Variants in SMIM35 observed in about 807,000 individuals in gnomAD.
SMIM35 encodes the protein TMPRSS4 antisense RNA 1 (non-protein coding).
intron 1 of SMIM35, among the ~76,000 whole-genome samples, chr11:118,040,604 T>A (rs1022617640): frequency 6.6e-6 from 1 of 152,012 alleles, no homozygotes; most frequent in African/African-American, 2.4e-5. Context: ...AGGACATCCA[T>A]CAGGCTAAAA....
intron 1 of SMIM35, among the ~76,000 whole-genome samples, chr11:118,073,570 G>A (rs530476612): frequency 2.0e-4 from 30 of 152,288 alleles, no homozygotes; most frequent in Non-Finnish European, 4.1e-4. Context: ...AAAAGCTGCC[G>A]GTGCAGCTTC....
intron 1 of SMIM35, among the ~76,000 whole-genome samples, chr11:118,043,174 G>T (rs1169502392): frequency 7.2e-5 from 11 of 152,168 alleles, no homozygotes; most frequent in African/African-American, 1.9e-4. Context: ...GCAATAGAAG[G>T]TATCCAGATT....
intron 4 of SMIM35, among the ~76,000 whole-genome samples, chr11:118,012,675 A>G (rs2058156382): frequency 6.6e-6 from 1 of 152,246 alleles, no homozygotes; most frequent in African/African-American, 2.4e-5. Flanking sequence ...GTAAGAGAAC[A>G]GGCCCAGATT....
At chr11:118,066,116 C>T (rs147214301) in intron 1 of SMIM35, among the ~76,000 whole-genome samples, 1 of 152,244 alleles carries the variant, frequency 6.6e-6, no homozygotes, top group East Asian at 1.9e-4. Flanking sequence ...GCACCTCTGA[C>T]TCAAACTGTT....
intron 1 of SMIM35, among the ~76,000 whole-genome samples, chr11:118,057,061 C>T (rs979734580): frequency 6.6e-5 from 10 of 152,246 alleles, no homozygotes; most frequent in African/African-American, 1.9e-4. Flanking sequence ...GGCCACAGGG[C>T]GAGAGCAGCC....
chr11:118,020,501 A>T (rs2512156), intron 1 of SMIM35, among the ~76,000 whole-genome samples: 66,083 of 152,044 alleles, frequency 0.43, 16,928 homozygotes, highest in African/African-American at 0.72. Flanking sequence ...TACTGAGTCT[A>T]CAAACTTACA....
intron 1 of SMIM35, among the ~76,000 whole-genome samples, chr11:118,062,424 G>GCCAGC (rs1944405853): frequency 6.6e-6 from 1 of 152,178 alleles, no homozygotes. Flanking sequence ...AAGACCACAG[G>GCCAGC]CCAGCCCAGC....
chr11:118,079,110 C>G (rs1380795821), intron 1 of SMIM35, among the ~76,000 whole-genome samples: 1 of 152,042 alleles, frequency 6.6e-6, no homozygotes, highest in African/African-American at 2.4e-5. Context: ...CCTGGGGCCC[C>G]AAAGGCAAGG....
chr11:118,025,756 G>C (rs1362247647), intron 1 of SMIM35: 1 of 452,832 alleles, frequency 2.2e-6, no homozygotes, highest in East Asian at 7.0e-5. Flanking sequence ...TGTTTGTTCT[G>C]TTGATAGTTT....
intron 1 of SMIM35, among the ~76,000 whole-genome samples, chr11:118,053,601 C>CT (rs753249088): frequency 2.0e-5 from 3 of 152,206 alleles, no homozygotes; most frequent in Non-Finnish European, 4.4e-5. Flanking sequence ...GAAATGTTGC[C>CT]TTCCCCCAAG....
chr11:118,017,012 C>G (rs1269324335), intron 1 of SMIM35, among the ~76,000 whole-genome samples: 4 of 152,128 alleles, frequency 2.6e-5, no homozygotes, highest in Non-Finnish European at 5.9e-5. Context: ...CAGAATGTGA[C>G]AGCCAAATGC....
At chr11:118,050,398 C>T (rs975086927) in intron 1 of SMIM35, among the ~76,000 whole-genome samples, 1 of 152,222 alleles carries the variant, frequency 6.6e-6, no homozygotes, top group Non-Finnish European at 1.5e-5. Context: ...CCAAGTCTGG[C>T]TCAAGTGGGC....
intron 1 of SMIM35, among the ~76,000 whole-genome samples, chr11:118,021,478 T>G (rs900957113): frequency 3.3e-5 from 5 of 152,134 alleles, no homozygotes; most frequent in Admixed American, 6.5e-5. Context: ...TTTATTAAAT[T>G]TTTCCGTTAT....
chr11:118,062,736 CTT>C (rs1264177960), intron 1 of SMIM35, among the ~76,000 whole-genome samples: 3 of 152,194 alleles, frequency 2.0e-5, no homozygotes, highest in Non-Finnish European at 4.4e-5. Flanking sequence ...TCTGTTGCCT[CTT>C]TTATTTTCTC....
intron 1 of SMIM35, among the ~76,000 whole-genome samples, chr11:118,043,139 T>C (rs918316327): frequency 2.6e-5 from 4 of 152,224 alleles, no homozygotes; most frequent in Non-Finnish European, 4.4e-5. Context: ...CTGGAGGTTC[T>C]AGCCAGGGAA....
chr11:118,005,116 T>C lies in SMIM35; in HGVS notation c.*1294A>G, dbSNP rs1305760460. 3 of 152,090 alleles carry C rather than the reference T, an allele frequency of 2.0e-5. No homozygotes were observed. Among genetic ancestry groups the C allele is most frequent in the Non-Finnish European group, 4.4e-5 (3 of 68,052 alleles). The allele number at this position is 152,090 out of a possible 1,614,324, so 9.4% of individuals were successfully genotyped here. A position where few individuals can be genotyped will look rare whatever the true frequency, so the allele number is the denominator to read the frequency against. On this transcript the variant is annotated 3_prime_UTR_variant, in exon 5 of 5. Coordinates refer to ENST00000689828, the MANE Select transcript of SMIM35 (RefSeq NM_001394165.1). ...GACCCTTGCCCTCCACCTCCCCACA[T>C]CCCCTCTACCTGTCCCCTAAGGCAG...
chr11:118,064,641 A>G (rs1944441755), intron 1 of SMIM35, among the ~76,000 whole-genome samples: 1 of 147,796 alleles, frequency 6.8e-6, no homozygotes, highest in South Asian at 2.1e-4. Flanking sequence ...TGTTTTTTTC[A>G]TCACTATTAT....
In SMIM35 at chr11:118,077,916, G is replaced by A. The variant is rs7945787; in HGVS notation, c.7+8835C>T. 9.2e-3 allele frequency among the ~76,000 whole-genome samples: 1,399 copies of A among 151,318 alleles called. 17 individuals are homozygous for A. The highest frequency in any genetic ancestry group is 0.031 in the African/African-American group (1,290 of 41,188). On this transcript the variant is annotated intron_variant, in intron 1 of 4. Coordinates refer to ENST00000689828, the MANE Select transcript of SMIM35 (RefSeq NM_001394165.1). The stretch of plus-strand genomic sequence containing the variant: ...TAATCCCAGCTACTTGGGAGGCTGA[G>A]GCAGGAGAATCGCTTGAACTTGGGA...
chr11:118,075,126 C>T (rs1219902373), intron 1 of SMIM35, among the ~76,000 whole-genome samples: 1 of 152,236 alleles, frequency 6.6e-6, no homozygotes, highest in Non-Finnish European at 1.5e-5. Flanking sequence ...CAACTGAAAA[C>T]GTGGCTCCCA....
Sources: allele counts gnomAD v4.1 joint callset (sites outside exome capture counted in the v4.1 genomes callset), GRCh38; gene constraint gnomAD v4.1.1; transcripts MANE v1.5; gene names NCBI Gene and HGNC (gene_info 2026-07-23, HGNC 2026-07-21).